The following CTBP2 variants were observed in gnomAD, a reference collection of about 807,000 sequenced individuals.
The protein encoded by CTBP2 is C-terminal-binding protein 2.
Under a neutral mutation model 80.3 loss-of-function variants are expected in CTBP2, and 30 were observed. The observed-to-expected ratio is 0.37, with a 90% CI of 0.28 to 0.51. The LOEUF is 0.51. Ranked by LOEUF, CTBP2 falls within the 20% of genes least tolerant of loss-of-function variation. The pLI, the probability that CTBP2 is intolerant of heterozygous loss-of-function variation, is 0.93. For synonymous variants in CTBP2, 594 were observed against 587.4 expected (o/e 1.01, Z -0.16); for missense variants, 1,212 against 1,375.3 (o/e 0.88, Z 1.88).
intron 2 of CTBP2, among the ~76,000 whole-genome samples, chr10:125,093,606 C>G (rs1245624331): frequency 6.6e-6 from 1 of 152,222 alleles, no homozygotes; most frequent in Non-Finnish European, 1.5e-5. Context: ...GCCCCACCCC[C>G]TCCCTTCTTT....
At position 125,026,749 on chromosome 10, in the gene CTBP2, G is replaced by C; in HGVS notation, c.1011C>G (p.Gly337=). The C allele has an allele frequency of 2.5e-6, 4 of 1,613,012 alleles. No homozygotes were observed. The highest frequency in any genetic ancestry group is 3.4e-6 in the Non-Finnish European group (4 of 1,179,954). ...CCAGGCGGCTCAGAACACGGGCCTGGCCCAGGTTGGGTGCGACAGACTTGA... is the reference window on the plus strand; with the variant it reads ...CCAGGCGGCTCAGAACACGGGCCTGCCCCAGGTTGGGTGCGACAGACTTGA... Residue 337 remains glycine (G), a synonymous_variant, in exon 1 of 9, where the codon GGC becomes GGG. Transcript: ENST00000309035.
chr10:125,039,561 C>T (rs1325506561), intron 2 of CTBP2, among the ~76,000 whole-genome samples: 3 of 152,230 alleles, frequency 2.0e-5, no homozygotes, highest in African/African-American at 7.2e-5. Context: ...AGACGCACAC[C>T]GTGGCGACTC....
chr10:125,029,906 T>A (rs1047474995), upstream of CTBP2, among the ~76,000 whole-genome samples: 4 of 152,048 alleles, frequency 2.6e-5, no homozygotes, highest in African/African-American at 9.7e-5. Flanking sequence ...GTCCAAGGGG[T>A]GATCGCAGGA....
At chr10:125,150,717 T>A (rs1308065127) in intron 1 of CTBP2, among the ~76,000 whole-genome samples, 1 of 147,616 alleles carries the variant, frequency 6.8e-6, no homozygotes, top group East Asian at 2.1e-4. Context: ...GTGTCTGGCC[T>A]TTTCCCGGAC....
At chr10:125,009,634 T>A (rs371719205) in intron 1 of CTBP2, among the ~76,000 whole-genome samples, 2 of 152,310 alleles carry the variant, frequency 1.3e-5, no homozygotes, top group East Asian at 3.9e-4. Context: ...GAATCAGAAC[T>A]AAGGCCTGCT....
In CTBP2 at chr10:124,985,239, C is replaced by T; in HGVS notation, c.*4279G>A. ...ATTTTATTAAGACAGAACTTTTTTT[C>T]CTTCCAAATTGTAAATCTGTCTATA... On this transcript the variant is annotated 3_prime_UTR_variant, in exon 9 of 9. Coordinates refer to ENST00000309035, the MANE Select transcript of CTBP2 (RefSeq NM_022802.3). 2.5e-6 allele frequency: 1 copy of T among 405,780 alleles called. No individual in the cohort carries two copies. The highest frequency in any genetic ancestry group is 4.4e-6 in the Non-Finnish European group (1 of 227,680). The allele number at this position is 405,780 out of a possible 1,614,324, so 25.1% of individuals were successfully genotyped here.
rs367686204 is a variant in CTBP2, at chr10:125,020,351, T to C, written c.1678+5731A>G. ...CCACACAAAACTATTATCTAGAAAC[T>C]GAAGCTATGGCCCCATGACCTGCTT... On this transcript the variant is annotated intron_variant, in intron 1 of 8. Coordinates refer to ENST00000309035, the MANE Select transcript of CTBP2 (RefSeq NM_022802.3). Among the ~76,000 whole-genome samples the C allele has an allele frequency of 6.6e-5, 10 of 151,956 alleles. No homozygotes were observed. The East Asian group carries it at 1.8e-3, about 27-fold the overall frequency.
chr10:125,075,196 T>C (rs1245067980), intron 2 of CTBP2, among the ~76,000 whole-genome samples: 1 of 152,204 alleles, frequency 6.6e-6, no homozygotes, highest in Non-Finnish European at 1.5e-5. Flanking sequence ...AGTAAAAATA[T>C]GCAACAATGG....
chr10:125,110,162 G>T (rs1431983523), intron 2 of CTBP2, among the ~76,000 whole-genome samples: 1 of 152,224 alleles, frequency 6.6e-6, no homozygotes, highest in African/African-American at 2.4e-5. Flanking sequence ...GCTCTGCTAG[G>T]AGTGTGACAG....
At chr10:125,024,824 A>ATTTCTCC (rs1564733984) in intron 1 of CTBP2, among the ~76,000 whole-genome samples, 1 of 152,240 alleles carries the variant, frequency 6.6e-6, no homozygotes, top group Non-Finnish European at 1.5e-5. Context: ...CCTGCCGCAC[A>ATTTCTCC]TGTATTTGAG....
intron 2 of CTBP2, among the ~76,000 whole-genome samples, chr10:125,063,176 GA>G (rs1844081084): frequency 1.3e-5 from 2 of 152,224 alleles, no homozygotes; most frequent in Non-Finnish European, 1.5e-5. Context: ...CGAACAATGG[GA>G]AAATTATCAC....
rs1038903067 is a variant in CTBP2, at chr10:125,112,589, C to T, written c.-205-1496G>A. On this transcript the variant is annotated intron_variant, in intron 1 of 10. Transcript: ENST00000337195. ...GATTACAGGCGCATGCCACCATGCCCGGATAATTTTTGTATTTTTAGTATA... is the reference window on the plus strand; with the variant it reads ...GATTACAGGCGCATGCCACCATGCCTGGATAATTTTTGTATTTTTAGTATA... Among the ~76,000 whole-genome samples the T allele has an allele frequency of 3.3e-5, 5 of 151,700 alleles. No individual in the cohort carries two copies. The East Asian group carries it at 5.9e-4, about 18-fold the overall frequency.
At position 125,098,736 on chromosome 10, in the gene CTBP2, GAGAGAGAGAGAGAC is replaced by G. The variant is rs1564914454; in HGVS notation, c.-102+12240_-102+12253del. 3.7e-4 allele frequency among the ~76,000 whole-genome samples: 45 copies of G among 122,600 alleles called. 2 individuals are homozygous for G. Among genetic ancestry groups the G allele is most frequent in the South Asian group, 1.5e-3 (6 of 3,936 alleles). The allele number at this position is 122,600 out of a possible 152,430, so 80.4% of individuals were successfully genotyped here. ...AGAGAGAGAGAGACAGAGAGAGAGAGAGAGAGAGAGAGACAGAGAGAGAGAGAGAGAGAGAGAGA... is the reference window on the plus strand; with the variant it reads ...AGAGAGAGAGAGACAGAGAGAGAGAGAGAGAGAGAGAGAGAGAGAGAGAGA... On this transcript the variant is annotated intron_variant, in intron 2 of 10. Transcript: ENST00000337195.
rs1053577995 is a variant in CTBP2 at position 125,120,445 on chromosome 10, G to A, written c.-205-9352C>T. Among the ~76,000 whole-genome samples, 70 of 152,176 alleles carry A rather than the reference G, an allele frequency of 4.6e-4. 1 individual carries two copies. The highest frequency in any genetic ancestry group is 1.7e-3 in the African/African-American group (70 of 41,438). ...CCTGTTGCCCAGGTTGGAGTGCAGT[G>A]GTGCAATCTCGGCTTACTGCAACTT... On this transcript the variant is annotated intron_variant, in intron 1 of 10. Transcript: ENST00000337195.
At chr10:125,047,764 T>C (rs1055679901) in intron 2 of CTBP2, among the ~76,000 whole-genome samples, 4 of 152,216 alleles carry the variant, frequency 2.6e-5, no homozygotes, top group Admixed American at 6.5e-5. Flanking sequence ...ATGTTAAACA[T>C]TGCTGTCTTA....
At chr10:125,113,571 G>C (rs2135950816) in intron 1 of CTBP2, among the ~76,000 whole-genome samples, 1 of 152,308 alleles carries the variant, frequency 6.6e-6, no homozygotes, top group Middle Eastern at 3.4e-3. Context: ...TAAAGGGATT[G>C]TATCTATTTT....
Position 125,122,272 on chromosome 10 carries a change from G to C in CTBP2, c.-205-11179C>G, listed in dbSNP as rs114157798. On this transcript the variant is annotated intron_variant, in intron 1 of 10. Coordinates refer to the CTBP2 transcript ENST00000337195. Reference sequence around the variant, plus strand: ...ACCTTTCAGCATGGATGTTCATGAGGGTAGCAATTCACAAATGCTGTTCTC... The same window carrying C: ...ACCTTTCAGCATGGATGTTCATGAGCGTAGCAATTCACAAATGCTGTTCTC... Among the ~76,000 whole-genome samples the C allele has an allele frequency of 9.7e-3, 1,477 of 152,284 alleles. 30 individuals are homozygous for C. Among genetic ancestry groups the C allele is most frequent in the African/African-American group, 0.031 (1,284 of 41,554 alleles).
At chr10:125,157,899 G>A (rs1193982767) in intron 1 of CTBP2, among the ~76,000 whole-genome samples, 6 of 152,138 alleles carry the variant, frequency 3.9e-5, no homozygotes, top group Non-Finnish European at 8.8e-5. Flanking sequence ...AAGGGCACTA[G>A]GGGTTTTTCA....
chr10:125,035,721 T>C (rs1349012867), intron 3 of CTBP2, among the ~76,000 whole-genome samples: 6 of 152,144 alleles, frequency 3.9e-5, no homozygotes, highest in African/African-American at 7.2e-5. Flanking sequence ...TTCCAACCAA[T>C]AGATGTTTGG....
Sources: allele counts gnomAD v4.1 joint callset (sites outside exome capture counted in the v4.1 genomes callset), GRCh38; gene constraint gnomAD v4.1.1; transcripts MANE v1.5; gene names NCBI Gene and HGNC (gene_info 2026-07-23, HGNC 2026-07-21).